PIP5K1B: variants seen among roughly 807,000 people sequenced by gnomAD.
PIP5K1B encodes phosphatidylinositol-4-phosphate 5-kinase type 1 beta, also known as phosphatidylinositol 4-phosphate 5-kinase type-1 beta.
Under a neutral mutation model 67.0 loss-of-function variants are expected in PIP5K1B, and 42 were observed. That is an observed-to-expected ratio of 0.63 (90% CI 0.49 to 0.81). The LOEUF is 0.81. Among genes scored for constraint, PIP5K1B ranks in the 30% least tolerant of loss-of-function variants. PIP5K1B has a pLI of 0.00. For synonymous variants in PIP5K1B, 214 were observed against 231.4 expected, an observed-to-expected ratio of 0.92 and a Z score of 0.68; for missense variants, 459 against 646.3, an observed-to-expected ratio of 0.71 and a Z score of 3.14.
At chr9:68,948,633 G>T (rs529551388) in intron 14 of PIP5K1B, among the ~76,000 whole-genome samples, 1 of 97,486 alleles carries the variant, frequency 1.0e-5, no homozygotes, top group East Asian at 3.1e-4. Context: ...CAACAGAGGC[G>T]AGACCTTGCC....
intron 2 of PIP5K1B, among the ~76,000 whole-genome samples, chr9:68,812,419 G>A (rs1410709256): frequency 6.6e-6 from 1 of 152,126 alleles, no homozygotes; most frequent in East Asian, 1.9e-4. Context: ...TAATAGATAA[G>A]TAACTACATA....
In PIP5K1B at chr9:68,940,726, T is replaced by G; in HGVS notation, c.1438T>G (p.Ser480Ala). 1 of 1,613,988 alleles carries G rather than the reference T, an allele frequency of 6.2e-7. No homozygotes were observed. ...FEAASLATTI[S>A]SSSLYVNEHY... ...AGCTGCTTCCTTGGCAACCACAATT[T>G]CATCTTCTTCCTTATACGTCAATGA... Residue 480 changes from serine (S) to alanine (A), a missense_variant, in exon 14 of 16, where the codon TCA becomes GCA. Transcript: ENST00000265382.
chr9:68,824,720 G>A (rs1207348100), intron 4 of PIP5K1B, among the ~76,000 whole-genome samples: 4 of 152,150 alleles, frequency 2.6e-5, no homozygotes, highest in Admixed American at 1.3e-4. Flanking sequence ...AGAAGGAATC[G>A]CTTAGAGAGA....
At chr9:68,993,737 C>T (rs887748240) in intron 15 of PIP5K1B, among the ~76,000 whole-genome samples, 2 of 152,282 alleles carry the variant, frequency 1.3e-5, no homozygotes, top group East Asian at 3.9e-4. Context: ...AAAATCTCAT[C>T]TTCATGAGCT....
intron 2 of PIP5K1B, among the ~76,000 whole-genome samples, chr9:68,815,340 GTAT>G (rs1221345465): frequency 4.0e-5 from 6 of 151,194 alleles, no homozygotes; most frequent in Non-Finnish European, 5.9e-5. Flanking sequence ...AAGAAAGAAG[GTAT>G]TATTAATGAC....
intron 2 of PIP5K1B, among the ~76,000 whole-genome samples, chr9:68,773,022 C>A (rs1490119158): frequency 6.6e-6 from 1 of 152,190 alleles, no homozygotes; most frequent in Non-Finnish European, 1.5e-5. Flanking sequence ...GGTTGACAGA[C>A]TTGCCCAAAG....
intron 1 of PIP5K1B, among the ~76,000 whole-genome samples, chr9:68,716,332 T>C (rs1441831205): frequency 6.6e-6 from 1 of 152,162 alleles, no homozygotes; most frequent in Non-Finnish European, 1.5e-5. Context: ...TTGTCTGATC[T>C]CTCCCATCAC....
chr9:68,911,059 GGAATGGGTTTGTGAGGAAA>G (rs1341092620), intron 8 of PIP5K1B, among the ~76,000 whole-genome samples: 2 of 152,210 alleles, frequency 1.3e-5, no homozygotes, highest in Non-Finnish European at 2.9e-5. Context: ...ACAGATGTCA[GGAATGGGTTTGTGAGGAAA>G]GAATGGGAAA....
At chr9:68,850,438 C>T (rs1357534733) in intron 4 of PIP5K1B, among the ~76,000 whole-genome samples, 1 of 152,198 alleles carries the variant, frequency 6.6e-6, no homozygotes, top group Non-Finnish European at 1.5e-5. Flanking sequence ...TAGCACATCC[C>T]TGGCCTCTGT....
chr9:68,947,725 T>C (rs1435442856), intron 14 of PIP5K1B, among the ~76,000 whole-genome samples: 1 of 152,212 alleles, frequency 6.6e-6, no homozygotes, highest in African/African-American at 2.4e-5. Flanking sequence ...CTATGTAAAG[T>C]AGCCATAAAT....
chr9:68,835,616 C>T (rs1418214049), intron 4 of PIP5K1B, among the ~76,000 whole-genome samples: 1 of 152,144 alleles, frequency 6.6e-6, no homozygotes, highest in Non-Finnish European at 1.5e-5. Flanking sequence ...ATAATACTGC[C>T]ACCTACTCCA....
chr9:68,930,200 A>G (rs1300409333), intron 12 of PIP5K1B, among the ~76,000 whole-genome samples: 4 of 152,046 alleles, frequency 2.6e-5, no homozygotes, highest in Non-Finnish European at 5.9e-5. Context: ...CACTCTGGGT[A>G]ATTCCCTGTT....
At chr9:68,894,225 G>C (rs1406900496) in intron 7 of PIP5K1B, 114 bp from the exon 8 acceptor site, 1 of 718,678 alleles carries the variant, frequency 1.4e-6, no homozygotes, top group East Asian at 2.7e-5. Context: ...CATTAATAAA[G>C]ATAATCACAT....
At chr9:68,987,987 G>A (rs11144669) in intron 14 of PIP5K1B, among the ~76,000 whole-genome samples, 20,931 of 152,082 alleles carry the variant, frequency 0.14, 1,602 homozygotes, top group African/African-American at 0.22. Flanking sequence ...ATTAGATCAT[G>A]GTATTATATC....
chr9:68,735,006 A>G (rs1265152503), intron 1 of PIP5K1B, among the ~76,000 whole-genome samples: 1 of 152,232 alleles, frequency 6.6e-6, no homozygotes, highest in Non-Finnish European at 1.5e-5. Context: ...TCAGAATACA[A>G]CAAATAAATT....
At chr9:68,787,806 T>C (rs1363266216) in intron 2 of PIP5K1B, among the ~76,000 whole-genome samples, 1 of 152,134 alleles carries the variant, frequency 6.6e-6, no homozygotes, top group African/African-American at 2.4e-5. Context: ...CTAGTTTTTG[T>C]ATTTTTAGTA....
At position 68,981,659 on chromosome 9, in the gene PIP5K1B, T is replaced by C. The variant is rs553093201; in HGVS notation, c.1503-9481T>C. On this transcript the variant is annotated intron_variant, in intron 14 of 15. Transcript: ENST00000265382. ...AACAAATGCTCTCATGAGAATTAGC[T>C]ATAAAACACTCATTAGGTCTGCAAA... 8.5e-5 allele frequency among the ~76,000 whole-genome samples: 13 copies of C among 152,314 alleles called. No homozygotes were observed. In the South Asian group the frequency reaches 2.7e-3, roughly 32 times the overall value.
At chr9:68,930,311 G>T (rs1032424713) in intron 12 of PIP5K1B, among the ~76,000 whole-genome samples, 3 of 152,104 alleles carry the variant, frequency 2.0e-5, no homozygotes, top group Non-Finnish European at 4.4e-5. Context: ...GCATCCACTA[G>T]ATTCCACAAG....
chr9:68,781,841 A>G (rs140145102), intron 2 of PIP5K1B: 191 of 167,130 alleles, frequency 1.1e-3, no homozygotes, highest in African/African-American at 4.5e-3. Flanking sequence ...TACATAGGCT[A>G]AGGCTAAGCT....
Sources: gnomAD v4.1 joint callset for allele counts (sites outside exome capture counted in the v4.1 genomes callset) on GRCh38, gnomAD v4.1.1 for gene constraint, MANE v1.5 for transcripts, NCBI Gene and HGNC (gene_info 2026-07-23, HGNC 2026-07-21) for gene names.